SLC25A21: variants seen among roughly 807,000 people sequenced by gnomAD.
The protein encoded by SLC25A21 is mitochondrial 2-oxodicarboxylate carrier.
In SLC25A21, 47 loss-of-function variants were observed where a neutral mutation model predicts 43.8. The ratio of observed to expected loss-of-function variants is 1.07; its 90% CI spans 0.85 to 1.37. The LOEUF is 1.37. SLC25A21 is among the 40% of genes most tolerant of loss of function. The probability of loss-of-function intolerance (pLI) is 0.00; values close to 1 mark genes in which losing one functional copy is unlikely to be tolerated. For synonymous variants in SLC25A21, 131 were observed against 121.3 expected (o/e 1.08, Z -0.52); for missense variants, 352 against 350.2 (o/e 1.00, Z -0.04).
intron 1 of SLC25A21, among the ~76,000 whole-genome samples, chr14:36,920,123 C>T (rs918417838): frequency 6.6e-6 from 1 of 152,000 alleles, no homozygotes; most frequent in African/African-American, 2.4e-5. Context: ...CTTCCAGATG[C>T]TGTGTTAATT....
intron 3 of SLC25A21, among the ~76,000 whole-genome samples, chr14:36,753,162 AC>A (rs549842565): frequency 1.4e-3 from 219 of 152,314 alleles, no homozygotes; most frequent in Middle Eastern, 0.01. Context: ...TGGTTGCACA[AC>A]AGTGTGAATT....
intron 1 of SLC25A21, among the ~76,000 whole-genome samples, chr14:36,897,914 C>A (rs551573788): frequency 9.2e-5 from 14 of 152,160 alleles, no homozygotes; most frequent in Non-Finnish European, 1.5e-5. Flanking sequence ...CAGAGGAGTA[C>A]CTGGCCGTGT....
chr14:37,122,429 G>A (rs1275946062), intron 1 of SLC25A21, among the ~76,000 whole-genome samples: 2 of 152,130 alleles, frequency 1.3e-5, no homozygotes, highest in African/African-American at 4.8e-5. Context: ...CCATGAGTCA[G>A]GCTCTATGCT....
intron 1 of SLC25A21, among the ~76,000 whole-genome samples, chr14:37,147,849 T>TTTTG (rs1470731033): frequency 2.1e-5 from 3 of 145,230 alleles, no homozygotes; most frequent in Non-Finnish European, 3.0e-5. Context: ...CTTTTCTTTT[T>TTTTG]TTTTTTTTTG....
intron 2 of SLC25A21, among the ~76,000 whole-genome samples, chr14:36,854,348 C>T (rs757054520): frequency 6.6e-6 from 1 of 152,170 alleles, no homozygotes; most frequent in Non-Finnish European, 1.5e-5. Context: ...TCGAGTTGGG[C>T]CTTGAAGGAT....
chr14:36,760,733 G>T (rs1425856291), intron 3 of SLC25A21, among the ~76,000 whole-genome samples: 1 of 152,170 alleles, frequency 6.6e-6, no homozygotes, highest in African/African-American at 2.4e-5. Context: ...ACTCATGTCT[G>T]TATTTACTGA....
intron 1 of SLC25A21, among the ~76,000 whole-genome samples, chr14:36,910,250 T>G (rs1019573858): frequency 6.6e-6 from 1 of 152,216 alleles, no homozygotes; most frequent in Non-Finnish European, 1.5e-5. Context: ...CAACTGATCC[T>G]GCATTGGGTC....
intron 3 of SLC25A21, among the ~76,000 whole-genome samples, chr14:36,793,450 A>G (rs944480252): frequency 1.3e-5 from 2 of 151,138 alleles, no homozygotes; most frequent in African/African-American, 4.9e-5. Context: ...CTAACATGCT[A>G]TCCTGTACCT....
chr14:37,013,356 T>C (rs919617360), intron 1 of SLC25A21, among the ~76,000 whole-genome samples: 6 of 152,160 alleles, frequency 3.9e-5, no homozygotes, highest in African/African-American at 1.4e-4. Context: ...TGGCTATGGG[T>C]GACCTCTTAC....
At chr14:36,911,429 G>A (rs1891683646) in intron 1 of SLC25A21, among the ~76,000 whole-genome samples, 1 of 152,144 alleles carries the variant, frequency 6.6e-6, no homozygotes, top group African/African-American at 2.4e-5. Context: ...GAGGTCCCCA[G>A]CCAACAATTG....
chr14:36,710,598 T>A (rs1422713101), intron 7 of SLC25A21, among the ~76,000 whole-genome samples: 1 of 151,986 alleles, frequency 6.6e-6, no homozygotes, highest in Non-Finnish European at 1.5e-5. Flanking sequence ...CCTGGGTAAT[T>A]TTTTAATTTT....
intron 1 of SLC25A21, among the ~76,000 whole-genome samples, chr14:36,948,917 CA>C (rs1176987150): frequency 6.6e-6 from 1 of 152,118 alleles, no homozygotes; most frequent in Non-Finnish European, 1.5e-5. Context: ...TTGGATTTGT[CA>C]TATATGGTTT....
chr14:37,054,379 T>C (rs1405801290), intron 1 of SLC25A21, among the ~76,000 whole-genome samples: 1 of 152,220 alleles, frequency 6.6e-6, no homozygotes, highest in Non-Finnish European at 1.5e-5. Flanking sequence ...TCCTGACCTA[T>C]ACAATCATGT....
chr14:37,158,693 T>C (rs1963890088), intron 1 of SLC25A21, among the ~76,000 whole-genome samples: 2 of 152,134 alleles, frequency 1.3e-5, no homozygotes, highest in South Asian at 2.1e-4. Flanking sequence ...TGCCCACTTT[T>C]ACAACTCCTA....
intron 2 of SLC25A21, among the ~76,000 whole-genome samples, chr14:36,868,899 C>T (rs1455581585): frequency 6.6e-6 from 1 of 152,206 alleles, no homozygotes; most frequent in Admixed American, 6.5e-5. Flanking sequence ...TCCCATCCCT[C>T]TCTACCTCAG....
chr14:36,721,130 C>T (rs1884358331), intron 6 of SLC25A21, among the ~76,000 whole-genome samples: 4 of 152,178 alleles, frequency 2.6e-5, no homozygotes, highest in Admixed American at 2.6e-4. Context: ...TGGTTGAATG[C>T]CTACCATTTG....
At chr14:36,783,636 T>G in intron 3 of SLC25A21, among the ~76,000 whole-genome samples, 1 of 152,176 alleles carries the variant, frequency 6.6e-6, no homozygotes, top group East Asian at 1.9e-4. Flanking sequence ...CACTGAGCTG[T>G]GCCACCTTGG....
chr14:36,953,916 T>C (rs1456748324), intron 1 of SLC25A21, among the ~76,000 whole-genome samples: 2 of 152,174 alleles, frequency 1.3e-5, no homozygotes, highest in African/African-American at 4.8e-5. Context: ...AAATTGTAAA[T>C]AGCTTGGTTT....
At chr14:36,777,166 G>A (rs1444712057) in intron 3 of SLC25A21, among the ~76,000 whole-genome samples, 4 of 152,276 alleles carry the variant, frequency 2.6e-5, no homozygotes, top group South Asian at 2.1e-4. Context: ...GCTGAGGCAG[G>A]AGAATCGCTT....
Sources: gnomAD v4.1 joint callset for allele counts (sites outside exome capture counted in the v4.1 genomes callset) on GRCh38, gnomAD v4.1.1 for gene constraint, MANE v1.5 for transcripts, NCBI Gene and HGNC (gene_info 2026-07-23, HGNC 2026-07-21) for gene names.